Variants in ZDBF2 observed in about 807,000 individuals in gnomAD.
ZDBF2 encodes DBF4-type zinc finger-containing protein 2.
ZDBF2 carries 6 observed loss-of-function variants against 9.4 expected under a neutral mutation model. The ratio of observed to expected loss-of-function variants is 0.64; its 90% CI spans 0.35 to 1.27. The LOEUF (loss-of-function observed/expected upper bound fraction) is 1.27, where lower values mean the gene tolerates loss of function less well. Among genes scored for constraint, ZDBF2 ranks in the 50% most tolerant of loss-of-function variants. ZDBF2 has a pLI of 0.03. For synonymous variants in ZDBF2, 905 were observed against 946.3 expected (o/e 0.96, Z 0.80); for missense variants, 2,697 against 2,766.8 (o/e 0.97, Z 0.57).
Position 206,304,856 on chromosome 2 carries a change from G to T in ZDBF2, c.328G>T (p.Val110Phe). The T allele has an allele frequency of 6.2e-7, 1 of 1,613,720 alleles. No individual in the cohort carries two copies. Among genetic ancestry groups the T allele is most frequent in the Non-Finnish European group, 8.5e-7 (1 of 1,179,794 alleles). ...EDATEERPSE[V>F]SEPIEELHSR... is the part of the protein sequence containing the mutation. ...TGCTACCGAAGAGAGACCATCCGAG[G>T]TTTCAGAACCTATTGAAGAGTTACA... Residue 110 changes from valine (V) to phenylalanine (F), a missense_variant, in exon 5 of 5, where the codon GTT becomes TTT. Val to Phe is a conservative substitution (Grantham distance 50, BLOSUM62 -1). Around this residue, in one of 3 missense-constraint regions of ZDBF2, gnomAD observed 910 missense variants for 973.6 expected, o/e 0.93. Transcript: ENST00000374423.
intron 2 of ZDBF2, among the ~76,000 whole-genome samples, chr2:206,280,766 T>C (rs899327013): frequency 6.6e-6 from 1 of 152,190 alleles, no homozygotes; most frequent in African/African-American, 2.4e-5. Flanking sequence ...CTTATGGTTT[T>C]AAGGCTGTGA....
At chr2:206,284,746 T>A (rs1001826781) in intron 3 of ZDBF2, among the ~76,000 whole-genome samples, 2 of 152,198 alleles carry the variant, frequency 1.3e-5, no homozygotes, top group Admixed American at 6.5e-5. Context: ...TGTGTGTGTG[T>A]GAGATGGAGT....
At chr2:206,300,728 T>G (rs1574408216) in intron 4 of ZDBF2, among the ~76,000 whole-genome samples, 1 of 152,210 alleles carries the variant, frequency 6.6e-6, no homozygotes, top group Non-Finnish European at 1.5e-5. Flanking sequence ...GCCCACTGAT[T>G]TTATGCAACC....
chr2:206,310,205 G>A lies in ZDBF2; in HGVS notation c.5677G>A (p.Val1893Met). 2 of 1,613,936 alleles carry A rather than the reference G, an allele frequency of 1.2e-6. No homozygotes were observed. The highest frequency in any genetic ancestry group is 2.2e-5 in the South Asian group (2 of 91,076). The change falls in exon 5 of 5, where the codon GTG (valine) becomes ATG (methionine). Residue 1893 changes from valine to methionine, a missense_variant. Transcript: ENST00000374423. Reference sequence around the variant, plus strand: ...GGAGGACACTGCACCAACTCAAGCTGTGTCAGAGAGTGATGATATTGTCTG... The same window carrying A: ...GGAGGACACTGCACCAACTCAAGCTATGTCAGAGAGTGATGATATTGTCTG... ...GKEDTAPTQA[V>M]SESDDIVCGI...
chr2:206,309,058 T>C lies in ZDBF2; in HGVS notation c.4530T>C (p.Val1510=). Residue 1510 remains valine, a synonymous_variant, in exon 5 of 5, where the codon GTT becomes GTC. Coordinates refer to ENST00000374423, the MANE Select transcript of ZDBF2 (RefSeq NM_020923.3). ...YDSDVPFQIV[V]NQFPGSVKET... is the part of the protein sequence containing the mutation. ...CTGATGTTCCTTTTCAAATAGTAGTTAACCAATTTCCAGGATCAGTCAAAG... is the reference window on the plus strand; with the variant it reads ...CTGATGTTCCTTTTCAAATAGTAGTCAACCAATTTCCAGGATCAGTCAAAG... 2 of 1,613,872 alleles carry C rather than the reference T, an allele frequency of 1.2e-6. No homozygotes were observed. Among genetic ancestry groups the C allele is most frequent in the South Asian group, 1.1e-5 (1 of 91,046 alleles).
In ZDBF2 at chr2:206,309,521, G is replaced by A. The variant is rs1693026235; in HGVS notation, c.4993G>A (p.Gly1665Arg). Residue 1665 changes from glycine (G) to arginine (R), a missense_variant, in exon 5 of 5, where the codon GGA becomes AGA. By Grantham distance (125) the Gly-to-Arg change is moderately radical. Transcript: ENST00000374423. Reference sequence around the variant, plus strand: ...GAGCTGTGGATATAATGGTTCTAAAGGAAAATTTAATTTGGAAGACACTTC... The same window carrying A: ...GAGCTGTGGATATAATGGTTCTAAAAGAAAATTTAATTTGGAAGACACTTC... ...DKSCGYNGSK[G>R]KFNLEDTSHR... 8 of 1,613,902 alleles carry A rather than the reference G, an allele frequency of 5.0e-6. No homozygotes were observed. Among genetic ancestry groups the A allele is most frequent in the Non-Finnish European group, 4.2e-6 (5 of 1,179,880 alleles).
chr2:206,312,303 C>G lies in ZDBF2; in HGVS notation c.*710C>G, dbSNP rs544032988. ...CCCCTTTTTTTTAACCACCTTTACT[C>G]TCTTCTACATGAAGAGTTGGTGGCT... On this transcript the variant is annotated 3_prime_UTR_variant, in exon 5 of 5. Transcript: ENST00000374423. The G allele has an allele frequency of 6.6e-6, 1 of 152,052 alleles. No homozygotes were observed. The highest frequency in any genetic ancestry group is 2.1e-4 in the South Asian group (1 of 4,814). 9.4% of individuals were successfully genotyped at this position (152,052 alleles called of 1,614,324 possible). A position where few individuals can be genotyped will look rare whatever the true frequency, so the allele number is the denominator to read the frequency against.
At chr2:206,277,356 T>C (rs1272661258) in intron 1 of ZDBF2, among the ~76,000 whole-genome samples, 1 of 151,990 alleles carries the variant, frequency 6.6e-6, no homozygotes, top group Non-Finnish European at 1.5e-5. Flanking sequence ...ATTTGTATTT[T>C]AAGACATTTC....
rs191232126 is a variant in ZDBF2 at position 206,281,069 on chromosome 2, C to A, written c.-49-732C>A. On this transcript the variant is annotated intron_variant, in intron 2 of 4. Transcript: ENST00000374423. The stretch of plus-strand genomic sequence containing the variant: ...AAAAATTCTGAATCCTAGGCTCACC[C>A]TAGCTCTACTAAAATTTTGGGTATT... Among the ~76,000 whole-genome samples the A allele has an allele frequency of 5.0e-4, 76 of 152,246 alleles. 1 individual carries two copies. Among genetic ancestry groups the A allele is most frequent in the Admixed American group, 4.6e-3 (70 of 15,302 alleles).
intron 4 of ZDBF2, among the ~76,000 whole-genome samples, chr2:206,301,679 T>G (rs1692507837): frequency 6.6e-6 from 1 of 152,132 alleles, no homozygotes; most frequent in South Asian, 2.1e-4. Flanking sequence ...TTTAAAACAT[T>G]TCCTTTCTGT....
At chr2:206,292,686 C>A (rs974137109) in intron 3 of ZDBF2, among the ~76,000 whole-genome samples, 4 of 151,934 alleles carry the variant, frequency 2.6e-5, no homozygotes, top group African/African-American at 9.7e-5. Context: ...AAGGTTGTTA[C>A]ACTAATGTAA....
At chr2:206,282,906 T>C (rs1410793194) in intron 3 of ZDBF2, among the ~76,000 whole-genome samples, 1 of 152,216 alleles carries the variant, frequency 6.6e-6, no homozygotes, top group Non-Finnish European at 1.5e-5. Context: ...ACCGCTAGTG[T>C]ATTTCCTGTC....
At chr2:206,302,153 C>T (rs1692540434) in intron 4 of ZDBF2, among the ~76,000 whole-genome samples, 1 of 151,844 alleles carries the variant, frequency 6.6e-6, no homozygotes, top group South Asian at 2.1e-4. Context: ...GGACTATAGA[C>T]ATGTACCACC....
In ZDBF2 at chr2:206,307,429, G is replaced by T; in HGVS notation, c.2901G>T (p.Ala967=). The T allele has an allele frequency of 1.2e-6, 2 of 1,611,908 alleles. No individual in the cohort carries two copies. Among genetic ancestry groups the T allele is most frequent in the Non-Finnish European group, 1.7e-6 (2 of 1,179,368 alleles). The change falls in exon 5 of 5, where the codon GCG becomes GCT. Residue 967 remains alanine (A), a synonymous_variant. Transcript: ENST00000374423. ...SLDSDVPLQA[A]THKPEVIVKE... ...ATTCTGATGTCCCTCTTCAGGCAGCGACTCACAAACCTGAAGTAATTGTCA... is the reference window on the plus strand; with the variant it reads ...ATTCTGATGTCCCTCTTCAGGCAGCTACTCACAAACCTGAAGTAATTGTCA...
At chr2:206,304,589 A>T (rs1197470038) in intron 4 of ZDBF2, 128 bp from the exon 5 acceptor site, 1 of 1,172,070 alleles carries the variant, frequency 8.5e-7, no homozygotes, top group Non-Finnish European at 1.2e-6. Context: ...GCCTGGGGTG[A>T]CTGCCTGGAT....
rs1693032612 is a variant in ZDBF2 at position 206,309,588 on chromosome 2, C to A, written c.5060C>A (p.Ala1687Asp). 6.2e-7 allele frequency: 1 copy of A among 1,613,758 alleles called. No individual in the cohort carries two copies. The highest frequency in any genetic ancestry group is 2.2e-5 in the East Asian group (1 of 44,882). Residue 1687 changes from alanine to aspartate, a missense_variant, in exon 5 of 5, where the codon GCC becomes GAC. Physicochemically the swap from Ala to Asp is moderately radical, Grantham distance 126 (BLOSUM62 -2). Transcript: ENST00000374423. ...THRLQKAHKE[A>D]SLRKDPRNAG... ...CGACTGCAGAAAGCTCACAAAGAAG[C>A]CAGTCTTCGGAAGGATCCAAGAAAT...
Position 206,311,600 on chromosome 2 carries a change from G to A in ZDBF2, c.*7G>A. On this transcript the variant is annotated 3_prime_UTR_variant, in exon 5 of 5. Transcript: ENST00000374423. ...AGGTAATGAGGTAAAATAGAAGTTGGTTTTGTGTTCAGGCTAGTTGAGGAT... is the reference window on the plus strand; with the variant it reads ...AGGTAATGAGGTAAAATAGAAGTTGATTTTGTGTTCAGGCTAGTTGAGGAT... 4 of 1,477,638 alleles carry A rather than the reference G, an allele frequency of 2.7e-6. No individual in the cohort carries two copies. Among genetic ancestry groups the A allele is most frequent in the Non-Finnish European group, 3.6e-6 (4 of 1,113,902 alleles). 91.5% of individuals were successfully genotyped at this position (1,477,638 alleles called of 1,614,324 possible). A position where few individuals can be genotyped will look rare whatever the true frequency, so the allele number is the denominator to read the frequency against.
Position 206,310,683 on chromosome 2 carries a change from A to C in ZDBF2, c.6155A>C (p.Tyr2052Ser), listed in dbSNP as rs374062044. ...AAATATAAACGGAATATCTTTGATT[A>C]TTATGAGCCCTTGATTAAGCAAATT... ...ICKYKRNIFD[Y>S]YEPLIKQIVI... The change falls in exon 5 of 5, where the codon TAT (tyrosine) becomes TCT (serine). Residue 2052 changes from tyrosine (Y) to serine (S), a missense_variant. Around this residue, in one of 3 missense-constraint regions of ZDBF2, gnomAD observed 1,783 missense variants for 1,776.5 expected, o/e 1.00. Transcript: ENST00000374423. The C allele has an allele frequency of 1.2e-4, 196 of 1,612,802 alleles. 2 individuals carry two copies. Among genetic ancestry groups the C allele is most frequent in the Middle Eastern group, 4.9e-4 (3 of 6,082 alleles).
chr2:206,298,466 G>T (rs141786875), intron 4 of ZDBF2, among the ~76,000 whole-genome samples: 16 of 152,306 alleles, frequency 1.1e-4, no homozygotes, highest in Non-Finnish European at 2.1e-4. Context: ...TTCTTAGCTG[G>T]TGGGAAGATA....
Sources: allele counts gnomAD v4.1 joint callset (sites outside exome capture counted in the v4.1 genomes callset), GRCh38; gene constraint gnomAD v4.1.1; regional missense constraint gnomAD v4.1.1; transcripts MANE v1.5; gene names NCBI Gene and HGNC (gene_info 2026-07-23, HGNC 2026-07-21).